The following ZNF22 variants were observed in gnomAD, a reference collection of about 807,000 sequenced individuals.
ZNF22 encodes zinc finger protein 22, also known as krox-26 protein.
A neutral mutation model predicts 17.0 loss-of-function variants in ZNF22; 15 were observed. The ratio of observed to expected loss-of-function variants is 0.88; its 90% CI spans 0.59 to 1.36. The LOEUF (loss-of-function observed/expected upper bound fraction) is 1.36, where lower values mean the gene tolerates loss of function less well. ZNF22 is among the 40% of genes most tolerant of loss of function. The pLI, the probability that ZNF22 is intolerant of heterozygous loss-of-function variation, is 0.00. For synonymous variants in ZNF22, 84 were observed against 90.7 expected (o/e 0.93, Z 0.42); for missense variants, 272 against 276.1 (o/e 0.98, Z 0.11).
intron 1 of ZNF22, chr10:45,003,052 C>G: frequency 4.6e-6 from 1 of 218,660 alleles, no homozygotes; most frequent in Non-Finnish European, 8.9e-6. Flanking sequence ...TAAACTCAGT[C>G]AAAATTTGGT....
chr10:45,000,950 C>A lies in ZNF22; in HGVS notation c.-118C>A. ...TTCCGGCGGCGCGGGAGGCGCCCAGCGAGCCAGAGTGGTGGCTGGTCCCGC... is the reference window on the plus strand; with the variant it reads ...TTCCGGCGGCGCGGGAGGCGCCCAGAGAGCCAGAGTGGTGGCTGGTCCCGC... On this transcript the variant is annotated 5_prime_UTR_variant, in exon 1 of 2. Coordinates refer to ENST00000298299, the MANE Select transcript of ZNF22 (RefSeq NM_006963.5). 1 of 1,027,284 alleles carries A rather than the reference C, an allele frequency of 9.7e-7. No homozygotes were observed. Among genetic ancestry groups the A allele is most frequent in the Non-Finnish European group, 1.3e-6 (1 of 798,914 alleles). 63.6% of individuals were successfully genotyped at this position (1,027,284 alleles called of 1,614,324 possible).
rs1342979703 is a variant in ZNF22 at position 45,004,232 on chromosome 10, A to G, written c.*189A>G. The G allele has an allele frequency of 3.4e-6, 2 of 583,912 alleles. No individual in the cohort carries two copies. Among genetic ancestry groups the G allele is most frequent in the Non-Finnish European group, 5.7e-6 (2 of 350,778 alleles). The allele number at this position is 583,912 out of a possible 1,614,324, so 36.2% of individuals were successfully genotyped here. A position where few individuals can be genotyped will look rare whatever the true frequency, so the allele number is the denominator to read the frequency against. On this transcript the variant is annotated 3_prime_UTR_variant, in exon 2 of 2. Transcript: ENST00000298299. ...TGAAAGAAATTACATGAGTCCAGCT[A>G]CCCTCATTTCTTTTTTATGTGACAT... is the stretch of plus-strand genomic sequence containing the variant.
chr10:45,002,282 C>T (rs1842339976), intron 1 of ZNF22: 1 of 152,162 alleles, frequency 6.6e-6, no homozygotes, highest in East Asian at 1.9e-4. Flanking sequence ...ACATTGCCAC[C>T]TATGTGGGGT....
In ZNF22 at chr10:45,004,595, C is replaced by T. The variant is rs1842359531; in HGVS notation, c.*552C>T. 1 of 166,906 alleles carries T rather than the reference C, an allele frequency of 6.0e-6. No individual in the cohort carries two copies. Among genetic ancestry groups the T allele is most frequent in the African/African-American group, 2.4e-5 (1 of 41,450 alleles). The allele number at this position is 166,906 out of a possible 1,614,324, so 10.3% of individuals were successfully genotyped here. On this transcript the variant is annotated 3_prime_UTR_variant, in exon 2 of 2. Coordinates refer to ENST00000298299, the MANE Select transcript of ZNF22 (RefSeq NM_006963.5). Reference sequence around the variant, plus strand: ...GTATTCAAGCTCACAGATTTTTAATCAGTAAGGCCTATCTATATTAGTTGT... The same window carrying T: ...GTATTCAAGCTCACAGATTTTTAATTAGTAAGGCCTATCTATATTAGTTGT...
At chr10:45,002,855 G>T (rs1368025595) in intron 1 of ZNF22, 3 of 152,530 alleles carry the variant, frequency 2.0e-5, no homozygotes, top group Non-Finnish European at 2.9e-5. Context: ...AAATATTAAA[G>T]CATAGTAATG....
intron 1 of ZNF22, chr10:45,002,077 C>T (rs771255947): frequency 1.7e-4 from 26 of 152,028 alleles, no homozygotes; most frequent in Non-Finnish European, 3.4e-4. Context: ...AAGTCCTGGA[C>T]CTAAAGTCTC....
In ZNF22 at chr10:45,003,700, A is replaced by G. The variant is rs956709450; in HGVS notation, c.332A>G (p.Tyr111Cys). ...CGGATCCATACGGGGGAAAAGCCCTACAAATGTGATGAGTGTGGAGAAAGC... is the reference window on the plus strand; with the variant it reads ...CGGATCCATACGGGGGAAAAGCCCTGCAAATGTGATGAGTGTGGAGAAAGC... Reference protein sequence around the residue: ...HRRIHTGEKPYKCDECGESFK... With the variant: ...HRRIHTGEKPCKCDECGESFK... Residue 111 changes from tyrosine to cysteine, a missense_variant, in exon 2 of 2, where the codon TAC becomes TGC. Physicochemically the swap from Tyr to Cys is radical, Grantham distance 194. Transcript: ENST00000298299. 1 of 1,614,244 alleles carries G rather than the reference A, an allele frequency of 6.2e-7. No homozygotes were observed. The highest frequency in any genetic ancestry group is 2.2e-5 in the East Asian group (1 of 44,890).
chr10:45,003,226 T>TA (rs1842347402), intron 1 of ZNF22, 54 bp from the exon 2 acceptor site: 3 of 646,042 alleles, frequency 4.6e-6, no homozygotes, highest in African/African-American at 1.8e-5. Context: ...AGTTAACAGA[T>TA]ATCTGTAATT....
At chr10:45,001,028 C>G (rs375641907) in intron 1 of ZNF22, 50 bp downstream of exon 1, 1 of 248,650 alleles carries the variant, frequency 4.0e-6, no homozygotes, top group Non-Finnish European at 6.7e-6. Flanking sequence ...GTCGGATACT[C>G]GGGTCCGCTC....
Position 45,003,585 on chromosome 10 carries a change from C to T in ZNF22, c.217C>T (p.His73Tyr). The T allele has an allele frequency of 6.2e-7, 1 of 1,614,158 alleles. No homozygotes were observed. The highest frequency in any genetic ancestry group is 8.5e-7 in the Non-Finnish European group (1 of 1,180,008). Residue 73 changes from histidine (H) to tyrosine (Y), a missense_variant, in exon 2 of 2, where the codon CAC (histidine) becomes TAC (tyrosine). Physicochemically the swap from His to Tyr is moderately conservative, Grantham distance 83. Transcript: ENST00000298299. The part of the protein sequence containing the change: ...SFSQSSTLFQ[H>Y]QKIHTGKKSH... ...CAGTCAGAGTTCAACTCTTTTTCAA[C>T]ACCAGAAGATCCATACTGGAAAGAA... is the stretch of plus-strand genomic sequence containing the variant.
Position 45,003,982 on chromosome 10 carries a change from A to G in ZNF22, c.614A>G (p.Lys205Arg). 6.2e-7 allele frequency: 1 copy of G among 1,614,154 alleles called. No homozygotes were observed. The highest frequency in any genetic ancestry group is 8.5e-7 in the Non-Finnish European group (1 of 1,180,046). Residue 205 changes from lysine to arginine, a missense_variant, in exon 2 of 2, where the codon AAG (lysine) becomes AGG (arginine). Physicochemically the swap from Lys to Arg is conservative, Grantham distance 26. Coordinates refer to ENST00000298299, the MANE Select transcript of ZNF22 (RefSeq NM_006963.5). ...ACCCGGGGCAAAAATATCAGGGTGA[A>G]GACTCACTTACCCTCTTGGAAAGCT... ...RKTRGKNIRV[K>R]THLPSWKAGT... is the part of the protein sequence containing the mutation.
Position 45,004,126 on chromosome 10 carries a change from G to A in ZNF22, c.*83G>A. Reference sequence around the variant, plus strand: ...ATGAAAGGAATCTTTTTTAGAAATAGAGATGCTTTATAGTAGATCACTTAA... The same window carrying A: ...ATGAAAGGAATCTTTTTTAGAAATAAAGATGCTTTATAGTAGATCACTTAA... On this transcript the variant is annotated 3_prime_UTR_variant, in exon 2 of 2. Transcript: ENST00000298299. 7.1e-7 allele frequency: 1 copy of A among 1,402,998 alleles called. No individual in the cohort carries two copies. The highest frequency in any genetic ancestry group is 1.4e-5 in the South Asian group (1 of 68,972). 86.9% of individuals were successfully genotyped at this position (1,402,998 alleles called of 1,614,324 possible).
rs369826937 is a variant in ZNF22, at chr10:45,003,620, A to G, written c.252A>G (p.Lys84=). ...TCCATACTGGAAAGAAATCCCATAA[A>G]TGTGCTGATTGTGGGAAAAGTTTCT... is the stretch of plus-strand genomic sequence containing the variant. The part of the protein sequence containing the change: ...QKIHTGKKSH[K]CADCGKSFFQ... The change falls in exon 2 of 2, where the codon AAA becomes AAG. Residue 84 remains lysine (K), a synonymous_variant. Coordinates refer to ENST00000298299, the MANE Select transcript of ZNF22 (RefSeq NM_006963.5). The G allele has an allele frequency of 3.7e-6, 6 of 1,614,238 alleles. No individual in the cohort carries two copies. The highest frequency in any genetic ancestry group is 5.1e-6 in the Non-Finnish European group (6 of 1,180,046).
rs1438033535 is a variant in ZNF22 at position 45,004,051 on chromosome 10, G to A, written c.*8G>A. On this transcript the variant is annotated 3_prime_UTR_variant, in exon 2 of 2. Coordinates refer to ENST00000298299, the MANE Select transcript of ZNF22 (RefSeq NM_006963.5). Reference sequence around the variant, plus strand: ...GTGGCTGGTCTCCGTTAAGTATAGGGCTTTTTGACAGCTTTTTGAGACCTC... The same window carrying A: ...GTGGCTGGTCTCCGTTAAGTATAGGACTTTTTGACAGCTTTTTGAGACCTC... The A allele has an allele frequency of 6.4e-7, 1 of 1,565,790 alleles. No individual in the cohort carries two copies. Among genetic ancestry groups the A allele is most frequent in the South Asian group, 1.2e-5 (1 of 84,038 alleles).
Position 45,004,125 on chromosome 10 carries a change from A to G in ZNF22, c.*82A>G. Reference sequence around the variant, plus strand: ...AATGAAAGGAATCTTTTTTAGAAATAGAGATGCTTTATAGTAGATCACTTA... The same window carrying G: ...AATGAAAGGAATCTTTTTTAGAAATGGAGATGCTTTATAGTAGATCACTTA... On this transcript the variant is annotated 3_prime_UTR_variant, in exon 2 of 2. Transcript: ENST00000298299. 2.1e-6 allele frequency: 3 copies of G among 1,408,224 alleles called. No individual in the cohort carries two copies. The highest frequency in any genetic ancestry group is 2.3e-5 in the East Asian group (1 of 43,130). 87.2% of individuals were successfully genotyped at this position (1,408,224 alleles called of 1,614,324 possible).
At chr10:45,002,020 T>TAA (rs1390528896) in intron 1 of ZNF22, among the ~76,000 whole-genome samples, 1 of 152,264 alleles carries the variant, frequency 6.6e-6, no homozygotes, top group Non-Finnish European at 1.5e-5. Context: ...GGCTTACTCT[T>TAA]ACGCTGACCA....
chr10:45,003,805 G>C lies in ZNF22; in HGVS notation c.437G>C (p.Arg146Pro), dbSNP rs769563148. ...EKPYQCDECG[R>P]CFSQSSHLIQ... ...CCCTATCAGTGTGATGAGTGTGGCC[G>C]GTGTTTCAGCCAGAGCTCCCACCTT... Residue 146 changes from arginine to proline, a missense_variant, in exon 2 of 2, where the codon CGG (arginine) becomes CCG (proline). By Grantham distance (103) the Arg-to-Pro change is moderately radical. Transcript: ENST00000298299. The C allele has an allele frequency of 6.2e-7, 1 of 1,614,138 alleles. No homozygotes were observed. The highest frequency in any genetic ancestry group is 8.5e-7 in the Non-Finnish European group (1 of 1,180,020).
At chr10:45,001,009 G>A (rs970015986) in intron 1 of ZNF22, 31 bp downstream of exon 1, 2 of 383,270 alleles carry the variant, frequency 5.2e-6, no homozygotes, top group Non-Finnish European at 7.6e-6. Context: ...TGGGGCGCTC[G>A]GGGCCTGCGT....
At position 45,005,038 on chromosome 10, in the gene ZNF22, ATGTT is replaced by A. The variant is rs1169470765; in HGVS notation, c.*999_*1002del. On this transcript the variant is annotated 3_prime_UTR_variant, in exon 2 of 2. Coordinates refer to ENST00000298299, the MANE Select transcript of ZNF22 (RefSeq NM_006963.5). ...GTGAGCTTTGGATAGCCCTGCTTAA[ATGTT>A]TGTCAACAACAAGAGTCGTAATGTG... The A allele has an allele frequency of 6.0e-6, 1 of 166,992 alleles. No individual in the cohort carries two copies. Among genetic ancestry groups the A allele is most frequent in the African/African-American group, 2.4e-5 (1 of 41,476 alleles). 10.3% of individuals were successfully genotyped at this position (166,992 alleles called of 1,614,324 possible).
Sources: allele counts gnomAD v4.1 joint callset (sites outside exome capture counted in the v4.1 genomes callset), GRCh38; gene constraint gnomAD v4.1.1; transcripts MANE v1.5; gene names NCBI Gene and HGNC (gene_info 2026-07-23, HGNC 2026-07-21).